Variants in KCNIP4 observed in about 807,000 individuals in gnomAD.
KCNIP4 encodes the protein potassium voltage-gated channel interacting protein 4, also known as Kv channel-interacting protein 4.
KCNIP4 carries 12 observed loss-of-function variants against 34.0 expected under a neutral mutation model. The observed-to-expected ratio is 0.35, with a 90% CI of 0.23 to 0.57. KCNIP4 has a LOEUF of 0.57. KCNIP4 is among the 20% of genes least tolerant of loss of function. KCNIP4 has a pLI of 0.83. For missense variants in KCNIP4, 238 were observed against 311.7 expected, an observed-to-expected ratio of 0.76 and a Z score of 1.78; for synonymous variants, 124 against 102.2, an observed-to-expected ratio of 1.21 and a Z score of -1.29.
intron 5 of KCNIP4, among the ~76,000 whole-genome samples, chr4:20,744,586 G>T (rs570051802): frequency 6.6e-6 from 1 of 151,786 alleles, no homozygotes; most frequent in East Asian, 2.0e-4. Context: ...TTGGACATAG[G>T]ATGGAGAACA....
intron 1 of KCNIP4, among the ~76,000 whole-genome samples, chr4:20,900,966 T>C (rs1727098124): frequency 6.6e-6 from 1 of 152,174 alleles, no homozygotes; most frequent in South Asian, 2.1e-4. Context: ...GCAAACACAT[T>C]GAATTCAATA....
intron 1 of KCNIP4, chr4:21,852,896 A>G (rs769117696): frequency 4.6e-5 from 7 of 152,178 alleles, no homozygotes; most frequent in Non-Finnish European, 7.3e-5. Flanking sequence ...TACTGTTACA[A>G]TTCCCCACAA....
chr4:21,724,612 G>A lies in KCNIP4; in HGVS notation c.61+223959C>T, dbSNP rs1715062544. ...TCTTCAGTATCTTTAAATCTTTAAA[G>A]TTCTGAAAAAAATACCGTATTTCCC... On this transcript the variant is annotated intron_variant, in intron 1 of 8. Coordinates refer to ENST00000382152, the MANE Select transcript of KCNIP4 (RefSeq NM_025221.6). Among the ~76,000 whole-genome samples, 3 of 148,622 alleles carry A rather than the reference G, an allele frequency of 2.0e-5. No individual in the cohort carries two copies. In the Admixed American group the frequency reaches 2.0e-4, roughly 10 times the overall value.
Position 21,247,800 on chromosome 4 carries a change from G to GATATATATAT in KCNIP4, c.62-365101_62-365092dup, listed in dbSNP as rs369985938. Among the ~76,000 whole-genome samples the GATATATATAT allele has an allele frequency of 7.9e-5, 4 of 50,798 alleles. No homozygotes were observed. In the East Asian group the frequency reaches 1.2e-3, roughly 15 times the overall value. 33.3% of individuals were successfully genotyped at this position (50,798 alleles called of 152,430 possible). A position where few individuals can be genotyped will look rare whatever the true frequency, so the allele number is the denominator to read the frequency against. ...TTTTTATATATATACACCACAGGTG[G>GATATATATAT]ATATATATATATATATATATACACA... On this transcript the variant is annotated intron_variant, in intron 1 of 8. Coordinates refer to ENST00000382152, the MANE Select transcript of KCNIP4 (RefSeq NM_025221.6).
rs184350857 is a variant in KCNIP4, at chr4:21,538,287, C to A, written c.61+410284G>T. Among the ~76,000 whole-genome samples the A allele has an allele frequency of 7.3e-3, 1,108 of 152,214 alleles. 23 individuals are homozygous for A. Among genetic ancestry groups the A allele is most frequent in the African/African-American group, 0.026 (1,062 of 41,528 alleles). ...GATAGTAAATTTCTATTGTTTTAAA[C>A]CACACAGTTTGTGATACTTTGTTAT... On this transcript the variant is annotated intron_variant, in intron 1 of 8. Coordinates refer to ENST00000382152, the MANE Select transcript of KCNIP4 (RefSeq NM_025221.6).
intron 1 of KCNIP4, among the ~76,000 whole-genome samples, chr4:21,757,155 G>GA (rs1176124267): frequency 6.2e-5 from 2 of 32,216 alleles, no homozygotes; most frequent in African/African-American, 2.6e-4. Flanking sequence ...AAGAAAGAAA[G>GA]AAAGAAAGAA....
At chr4:21,092,046 A>G (rs1490620127) in intron 1 of KCNIP4, among the ~76,000 whole-genome samples, 1 of 152,156 alleles carries the variant, frequency 6.6e-6, no homozygotes, top group African/African-American at 2.4e-5. Flanking sequence ...ATTCAAACTC[A>G]AGTTTGTCCA....
chr4:21,413,662 C>T (rs182371879), intron 1 of KCNIP4, among the ~76,000 whole-genome samples: 35 of 152,238 alleles, frequency 2.3e-4, no homozygotes, highest in African/African-American at 7.2e-4. Context: ...TCCCATTCAG[C>T]GTCACATCCC....
intron 1 of KCNIP4, among the ~76,000 whole-genome samples, chr4:21,782,270 C>A (rs796768509): frequency 2.6e-4 from 39 of 151,938 alleles, no homozygotes; most frequent in African/African-American, 9.1e-4. Context: ...ACATGCCATA[C>A]AAACAATGAT....
At position 21,349,764 on chromosome 4, in the gene KCNIP4, G is replaced by A. The variant is rs1253378525; in HGVS notation, c.62-467055C>T. ...GTTCTCCCTGTACTCAAAATGTGGA[G>A]CAACAAATTGCAATGGAAGTAGCTA... On this transcript the variant is annotated intron_variant, in intron 1 of 8. Transcript: ENST00000382152. Among the ~76,000 whole-genome samples, 7 of 152,120 alleles carry A rather than the reference G, an allele frequency of 4.6e-5. No homozygotes were observed. The East Asian group carries it at 1.4e-3, about 29-fold the overall frequency.
At chr4:20,760,184 T>G (rs917241186) in intron 3 of KCNIP4, among the ~76,000 whole-genome samples, 1 of 152,168 alleles carries the variant, frequency 6.6e-6, no homozygotes, top group Non-Finnish European at 1.5e-5. Flanking sequence ...TAGATTCTCA[T>G]GAACAGTCCC....
intron 6 of KCNIP4, among the ~76,000 whole-genome samples, chr4:20,734,204 C>T (rs533699504): frequency 1.0e-3 from 156 of 152,256 alleles, no homozygotes; most frequent in African/African-American, 3.4e-3. Context: ...TCTGCCTCAA[C>T]GTGCATTTGG....
At position 20,758,930 on chromosome 4, in the gene KCNIP4, C is replaced by T. The variant is rs540944595; in HGVS notation, c.289-40G>A. 3 of 1,554,666 alleles carry T rather than the reference C, an allele frequency of 1.9e-6. No individual in the cohort carries two copies. In the African/African-American group the frequency reaches 4.1e-5, roughly 21 times the overall value. ...AGAGAAGCAATATGAGCAAAGTGTTCATAAAACTGAATTTTTTTTGCACAT... is the reference window on the plus strand; with the variant it reads ...AGAGAAGCAATATGAGCAAAGTGTTTATAAAACTGAATTTTTTTTGCACAT... On this transcript the variant is annotated intron_variant, in intron 3 of 8. Coordinates refer to ENST00000382152, the MANE Select transcript of KCNIP4 (RefSeq NM_025221.6).
At chr4:21,097,679 T>C (rs1442989095) in intron 1 of KCNIP4, among the ~76,000 whole-genome samples, 1 of 152,136 alleles carries the variant, frequency 6.6e-6, no homozygotes, top group African/African-American at 2.4e-5. Flanking sequence ...TGTGTGTGTG[T>C]TGACTGCTCC....
intron 1 of KCNIP4, among the ~76,000 whole-genome samples, chr4:21,768,190 G>A (rs1718550390): frequency 6.6e-6 from 1 of 152,086 alleles, no homozygotes; most frequent in African/African-American, 2.4e-5. Flanking sequence ...GCATTTTAGA[G>A]AGCTTTTTAA....
In KCNIP4 at chr4:21,625,429, T is replaced by C. The variant is rs376942599; in HGVS notation, c.61+323142A>G. Reference sequence around the variant, plus strand: ...GTATGTTGTTATCCTAATTGGGGAGTAGAGGAAGCTGAAGCTTGGTAAGGT... The same window carrying C: ...GTATGTTGTTATCCTAATTGGGGAGCAGAGGAAGCTGAAGCTTGGTAAGGT... On this transcript the variant is annotated intron_variant, in intron 1 of 8. Coordinates refer to ENST00000382152, the MANE Select transcript of KCNIP4 (RefSeq NM_025221.6). 7.9e-5 allele frequency among the ~76,000 whole-genome samples: 12 copies of C among 152,058 alleles called. 1 individual carries two copies. In the South Asian group the frequency reaches 2.5e-3, roughly 32 times the overall value.
rs115328969 is a variant in KCNIP4, at chr4:21,648,742, G to A, written c.61+299829C>T. Among the ~76,000 whole-genome samples the A allele has an allele frequency of 4.6e-3, 700 of 152,224 alleles. 7 individuals carry two copies. Among genetic ancestry groups the A allele is most frequent in the South Asian group, 0.025 (121 of 4,830 alleles). ...GGTAATCAAGCATTGGCCTAACTCT[G>A]AAGTGGCAAAGTAGGGTTGTTTAGA... On this transcript the variant is annotated intron_variant, in intron 1 of 8. Coordinates refer to ENST00000382152, the MANE Select transcript of KCNIP4 (RefSeq NM_025221.6).
At chr4:21,807,965 T>C (rs984679105) in intron 1 of KCNIP4, among the ~76,000 whole-genome samples, 3 of 152,196 alleles carry the variant, frequency 2.0e-5, no homozygotes, top group Non-Finnish European at 2.9e-5. Flanking sequence ...TAGGTTTACA[T>C]TGAGTATGAC....
intron 1 of KCNIP4, among the ~76,000 whole-genome samples, chr4:21,380,032 T>G (rs989131026): frequency 6.6e-6 from 1 of 152,142 alleles, no homozygotes; most frequent in African/African-American, 2.4e-5. Context: ...AATCCCCTTT[T>G]CATATCACCA....
Sources: allele counts gnomAD v4.1 joint callset (sites outside exome capture counted in the v4.1 genomes callset), GRCh38; gene constraint gnomAD v4.1.1; transcripts MANE v1.5; gene names NCBI Gene and HGNC (gene_info 2026-07-23, HGNC 2026-07-21).